Variants in ASXL3 observed in about 807,000 individuals in gnomAD.
ASXL3 encodes putative Polycomb group protein ASXL3.
Under a neutral mutation model 170.6 loss-of-function variants are expected in ASXL3, and 34 were observed. The observed-to-expected ratio is 0.20, with a 90% CI of 0.15 to 0.27. The LOEUF (loss-of-function observed/expected upper bound fraction) is 0.27. Ranked by LOEUF, ASXL3 falls within the 10% of genes least tolerant of loss-of-function variation. ASXL3 has a pLI of 1.00. For synonymous variants in ASXL3, 1,002 were observed against 989.1 expected, an observed-to-expected ratio of 1.01 and a Z score of -0.24; for missense variants, 2,592 against 2,695.3, an observed-to-expected ratio of 0.96 and a Z score of 0.85.
intron 5 of ASXL3, among the ~76,000 whole-genome samples, chr18:33,669,632 G>A (rs1443882602): frequency 1.3e-5 from 2 of 152,154 alleles, no homozygotes; most frequent in Non-Finnish European, 2.9e-5. Flanking sequence ...TTTTTTGATA[G>A]CAAGGGGAAA....
chr18:33,580,455 T>C (rs1315241376), intron 1 of ASXL3, among the ~76,000 whole-genome samples: 1 of 152,208 alleles, frequency 6.6e-6, no homozygotes, highest in African/African-American at 2.4e-5. Flanking sequence ...TTAGTGTATA[T>C]TTTAAGCAAG....
At chr18:33,741,471 G>A (rs1430170736) in intron 11 of ASXL3, among the ~76,000 whole-genome samples, 6 of 152,120 alleles carry the variant, frequency 3.9e-5, no homozygotes, top group African/African-American at 9.7e-5. Flanking sequence ...AATATTTGAT[G>A]TTTGGTCTTA....
At chr18:33,716,093 A>G (rs2067160240) in intron 8 of ASXL3, among the ~76,000 whole-genome samples, 1 of 152,214 alleles carries the variant, frequency 6.6e-6, no homozygotes, top group Non-Finnish European at 1.5e-5. Context: ...CTGGCCTTTA[A>G]TGGTAAGTTG....
intron 1 of ASXL3, 160 bp downstream of exon 1, chr18:33,578,845 G>C (rs371148600): frequency 5.5e-6 from 2 of 362,408 alleles, no homozygotes; most frequent in Non-Finnish European, 8.2e-6. Context: ...CTCGCCCGGG[G>C]GCCCCTGTGT....
intron 1 of ASXL3, among the ~76,000 whole-genome samples, chr18:33,599,376 A>G (rs1235897284): frequency 1.3e-5 from 2 of 152,110 alleles, no homozygotes; most frequent in Non-Finnish European, 2.9e-5. Context: ...TTTGTAGTGG[A>G]TTGAACATGT....
chr18:33,687,243 G>C lies in ASXL3; in HGVS notation c.879+3675G>C, dbSNP rs535346267. 1.9e-4 allele frequency among the ~76,000 whole-genome samples: 29 copies of C among 152,266 alleles called. No homozygotes were observed. In the South Asian group the frequency reaches 5.8e-3, roughly 30 times the overall value. The stretch of plus-strand genomic sequence containing the variant: ...GCTCAACCCTCTTTTCTAGCAGAAA[G>C]GGACGGGTGACTTGGTGCAACAAAC... On this transcript the variant is annotated intron_variant, in intron 8 of 11. Transcript: ENST00000269197.
chr18:33,680,170 A>G (rs992834882), intron 7 of ASXL3, among the ~76,000 whole-genome samples: 2 of 152,088 alleles, frequency 1.3e-5, no homozygotes, highest in Non-Finnish European at 2.9e-5. Context: ...AAAAATTCAA[A>G]TACTTTATAA....
intron 2 of ASXL3, among the ~76,000 whole-genome samples, chr18:33,618,593 G>A (rs1365495323): frequency 6.6e-6 from 1 of 152,096 alleles, no homozygotes; most frequent in East Asian, 1.9e-4. Context: ...TAAGGCATAT[G>A]TTCATTCCAT....
chr18:33,727,744 T>A (rs1267780610), intron 8 of ASXL3, among the ~76,000 whole-genome samples: 1 of 152,214 alleles, frequency 6.6e-6, no homozygotes, highest in African/African-American at 2.4e-5. Flanking sequence ...TGTTTATTGT[T>A]CCAGTTCATT....
At chr18:33,655,727 C>A (rs993647032) in intron 4 of ASXL3, among the ~76,000 whole-genome samples, 1 of 151,974 alleles carries the variant, frequency 6.6e-6, no homozygotes, top group African/African-American at 2.4e-5. Context: ...TATTTTCTGG[C>A]TGTATATATC....
At chr18:33,732,803 C>T (rs1215793816) in intron 9 of ASXL3, among the ~76,000 whole-genome samples, 1 of 150,284 alleles carries the variant, frequency 6.7e-6, no homozygotes, top group African/African-American at 2.5e-5. Flanking sequence ...CTGCAGTGAT[C>T]GACCTACTGA....
chr18:33,738,735 T>A lies in ASXL3; in HGVS notation c.1331T>A (p.Ile444Asn). The change falls in exon 11 of 12, where the codon ATC (isoleucine) becomes AAC (asparagine). Residue 444 changes from isoleucine (I) to asparagine (N), a missense_variant. Physicochemically the swap from Ile to Asn is moderately radical, Grantham distance 149. Coordinates refer to ENST00000269197, the MANE Select transcript of ASXL3 (RefSeq NM_030632.3). ...GAATTGGAGTCAGAGGATATCTTGA[T>A]CCCTGAAGAATCTGTAATTCAGGAG... ...MAELESEDILIPEESVIQEEI... is the reference protein window; with the variant it reads ...MAELESEDILNPEESVIQEEI... 1.2e-6 allele frequency: 2 copies of A among 1,613,940 alleles called. No homozygotes were observed. Among genetic ancestry groups the A allele is most frequent in the Non-Finnish European group, 1.7e-6 (2 of 1,179,856 alleles).
Position 33,582,485 on chromosome 18 carries a change from T to C in ASXL3, c.54+3800T>C, listed in dbSNP as rs557969426. Reference sequence around the variant, plus strand: ...TTGATATCTTCATCACTTTGTTCTATAGGGAATGCTGCTTTTAAGATAATA... The same window carrying C: ...TTGATATCTTCATCACTTTGTTCTACAGGGAATGCTGCTTTTAAGATAATA... On this transcript the variant is annotated intron_variant, in intron 1 of 11. Coordinates refer to ENST00000269197, the MANE Select transcript of ASXL3 (RefSeq NM_030632.3). Among the ~76,000 whole-genome samples, 7 of 152,320 alleles carry C rather than the reference T, an allele frequency of 4.6e-5. No individual in the cohort carries two copies. The East Asian group carries it at 9.6e-4, about 21-fold the overall frequency.
At chr18:33,667,198 A>G (rs149895883) in intron 5 of ASXL3, among the ~76,000 whole-genome samples, 33 of 152,288 alleles carry the variant, frequency 2.2e-4, no homozygotes, top group African/African-American at 7.7e-4. Flanking sequence ...TGTCATGGCT[A>G]TGACAACACT....
rs192141816 is a variant in ASXL3, at chr18:33,701,871, A to G, written c.879+18303A>G. Among the ~76,000 whole-genome samples the G allele has an allele frequency of 7.8e-4, 119 of 152,176 alleles. 1 individual carries two copies. Among genetic ancestry groups the G allele is most frequent in the African/African-American group, 2.8e-3 (115 of 41,544 alleles). ...AGTAGTACTTGTGCGCCACATATCT[A>G]TGATGTCTGTTCCTTATTTAAATTA... is the stretch of plus-strand genomic sequence containing the variant. On this transcript the variant is annotated intron_variant, in intron 8 of 11. Transcript: ENST00000269197.
At chr18:33,689,042 G>A (rs1401117139) in intron 8 of ASXL3, among the ~76,000 whole-genome samples, 1 of 151,466 alleles carries the variant, frequency 6.6e-6, no homozygotes, top group Non-Finnish European at 1.5e-5. Flanking sequence ...CACCCAGGCT[G>A]GAGTGCAGTG....
At chr18:33,677,477 T>G (rs1052573529) in intron 7 of ASXL3, among the ~76,000 whole-genome samples, 1 of 152,132 alleles carries the variant, frequency 6.6e-6, no homozygotes, top group East Asian at 1.9e-4. Flanking sequence ...TGCCACAAGA[T>G]ATATTTATAT....
intron 7 of ASXL3, among the ~76,000 whole-genome samples, chr18:33,675,245 T>C (rs1414259228): frequency 1.3e-5 from 2 of 152,208 alleles, no homozygotes; most frequent in African/African-American, 4.8e-5. Flanking sequence ...CCTGTGTTTG[T>C]GGAGAAGGTC....
intron 6 of ASXL3, 75 bp downstream of exon 6, chr18:33,670,865 A>T: frequency 1.0e-6 from 1 of 989,644 alleles, no homozygotes; most frequent in Non-Finnish European, 1.4e-6. Context: ...AGATGTCATG[A>T]TTTTTTTTCT....
Sources: gnomAD v4.1 joint callset for allele counts (sites outside exome capture counted in the v4.1 genomes callset) on GRCh38, gnomAD v4.1.1 for gene constraint, MANE v1.5 for transcripts, NCBI Gene and HGNC (gene_info 2026-07-23, HGNC 2026-07-21) for gene names.